Variants in CD300LG observed in about 807,000 individuals in gnomAD.
CD300LG encodes CMRF35-like molecule 9.
CD300LG carries 29 observed loss-of-function variants against 31.5 expected under a neutral mutation model. The ratio of observed to expected loss-of-function variants is 0.92; its 90% CI spans 0.68 to 1.25. CD300LG has a LOEUF of 1.25. CD300LG is among the 50% of genes most tolerant of loss of function. The pLI is 0.00. For missense variants in CD300LG, 396 were observed against 417.6 expected, an observed-to-expected ratio of 0.95 and a Z score of 0.45; for synonymous variants, 175 against 177.2, an observed-to-expected ratio of 0.99 and a Z score of 0.10.
rs150190773 is a variant in CD300LG at position 43,849,210 on chromosome 17, A to G, written c.379+317A>G. 512 of 506,420 alleles carry G rather than the reference A, an allele frequency of 1.0e-3. 5 individuals are homozygous for G. The highest frequency in any genetic ancestry group is 9.0e-3 in the African/African-American group (474 of 52,626). 31.4% of individuals were successfully genotyped at this position (506,420 alleles called of 1,614,324 possible). On this transcript the variant is annotated intron_variant, in intron 2 of 6. Coordinates refer to ENST00000317310, the MANE Select transcript of CD300LG (RefSeq NM_145273.4). Reference sequence around the variant, plus strand: ...GGGAGATTTCCATAGGCTGGGTACAAGATAGACATATCAGGGGATAAAGAA... The same window carrying G: ...GGGAGATTTCCATAGGCTGGGTACAGGATAGACATATCAGGGGATAAAGAA...
intron 2 of CD300LG, among the ~76,000 whole-genome samples, chr17:43,850,288 G>A (rs1310531837): frequency 6.6e-6 from 1 of 152,116 alleles, no homozygotes; most frequent in Admixed American, 6.6e-5. Flanking sequence ...AGTTTAACAC[G>A]ATCTCACCAA....
chr17:43,853,148 A>T (rs1330073621), intron 3 of CD300LG, 135 bp downstream of exon 3: 1 of 677,156 alleles, frequency 1.5e-6, no homozygotes, highest in Non-Finnish European at 2.5e-6. Flanking sequence ...TGGGTTGTCC[A>T]GCTGTGGAAG....
In CD300LG at chr17:43,854,876, C is replaced by G. The variant is rs534947475; in HGVS notation, c.720-331C>G. 2.0e-5 allele frequency among the ~76,000 whole-genome samples: 3 copies of G among 152,304 alleles called. No homozygotes were observed. The East Asian group carries it at 5.8e-4, about 29-fold the overall frequency. ...ACTATGCGCTTTACACATCCTCACC[C>G]ATTTGATCCTCACCACAGCCATTTT... On this transcript the variant is annotated intron_variant, in intron 4 of 6. Transcript: ENST00000317310.
chr17:43,855,199 G>C lies in CD300LG; in HGVS notation c.720-8G>C, dbSNP rs200308377. 1.2e-5 allele frequency: 19 copies of C among 1,588,664 alleles called. No homozygotes were observed. Among genetic ancestry groups the C allele is most frequent in the Non-Finnish European group, 1.6e-5 (19 of 1,168,240 alleles). On this transcript the variant is annotated splice_polypyrimidine_tract_variant and splice_region_variant and intron_variant, in intron 4 of 6. Coordinates refer to ENST00000317310, the MANE Select transcript of CD300LG (RefSeq NM_145273.4). Reference sequence around the variant, plus strand: ...ACAGCCACTAGGCTCCTTGCGTCTCGTCTCCAGGGTGTCCATCCCGATGGT... The same window carrying C: ...ACAGCCACTAGGCTCCTTGCGTCTCCTCTCCAGGGTGTCCATCCCGATGGT...
At position 43,861,907 on chromosome 17, in the gene CD300LG, C is replaced by G. The variant is rs755265245; in HGVS notation, c.995C>G (p.Ala332Gly). The change falls in exon 7 of 7, where the codon GCG becomes GGG. Residue 332 changes from alanine to glycine, a missense_variant. Transcript: ENST00000317310. The part of the protein sequence containing the change: ...EELGFSKFVS[A>G] ...CTGGGCTTCTCGAAGTTTGTCTCAGCGTAGGGCAGGAGGCCCTCCTGGCCA... is the reference window on the plus strand; with the variant it reads ...CTGGGCTTCTCGAAGTTTGTCTCAGGGTAGGGCAGGAGGCCCTCCTGGCCA... 6.2e-7 allele frequency: 1 copy of G among 1,606,148 alleles called. No homozygotes were observed. The highest frequency in any genetic ancestry group is 8.5e-7 in the Non-Finnish European group (1 of 1,176,786).
chr17:43,847,380 GGAGCGGGGCGGGCT>G, intron 1 of CD300LG, 121 bp downstream of exon 1: 1 of 1,075,658 alleles, frequency 9.3e-7, no homozygotes. Flanking sequence ...CAGCCCTAGG[GGAGCGGGGCGGGCT>G]GGGGGTGGGG....
Position 43,848,726 on chromosome 17 carries a change from G to A in CD300LG, c.212G>A (p.Gly71Asp), listed in dbSNP as rs140028124. The A allele has an allele frequency of 3.0e-5, 48 of 1,614,088 alleles. No homozygotes were observed. The African/African-American group carries it at 5.9e-4, about 20-fold the overall frequency. The change falls in exon 2 of 7, where the codon GGC (glycine) becomes GAC (aspartate). Residue 71 changes from glycine (G) to aspartate (D), a missense_variant. Transcript: ENST00000317310. ...GGCACCATCTATGCAGAAGAAGAAG[G>A]CCAGGAGACAATGAAGGGCAGGGTG... ...CSGTIYAEEE[G>D]QETMKGRVSI... is the part of the protein sequence containing the mutation.
Position 43,853,920 on chromosome 17 carries a change from A to G in CD300LG, c.595A>G (p.Thr199Ala), listed in dbSNP as rs1376665305. 1 of 1,614,092 alleles carries G rather than the reference A, an allele frequency of 6.2e-7. No homozygotes were observed. The highest frequency in any genetic ancestry group is 8.5e-7 in the Non-Finnish European group (1 of 1,180,012). The change falls in exon 4 of 7, where the codon ACA becomes GCA. Residue 199 changes from threonine to alanine, a missense_variant. Transcript: ENST00000317310. ...CGGGCACGAAAGGACTTCTCAGTACACAGGAACCTCTCCTCACCCAGCGAC... is the reference window on the plus strand; with the variant it reads ...CGGGCACGAAAGGACTTCTCAGTACGCAGGAACCTCTCCTCACCCAGCGAC... Reference protein sequence around the residue: ...QYGHERTSQYTGTSPHPATSP... With the variant: ...QYGHERTSQYAGTSPHPATSP...
In CD300LG at chr17:43,853,880, A is replaced by G; in HGVS notation, c.555A>G (p.Pro185=). 6.2e-7 allele frequency: 1 copy of G among 1,614,154 alleles called. No homozygotes were observed. The highest frequency in any genetic ancestry group is 1.1e-5 in the South Asian group (1 of 91,084). Residue 185 remains proline, a synonymous_variant, in exon 4 of 7, where the codon CCA becomes CCG. Coordinates refer to ENST00000317310, the MANE Select transcript of CD300LG (RefSeq NM_145273.4). ...GKTGAEAPPL[P]GTSQYGHERT... ...CAGGGGCTGAGGCCCCTCCATTGCC[A>G]GGGACTTCCCAGTACGGGCACGAAA...
intron 5 of CD300LG, 148 bp from the exon 6 acceptor site, chr17:43,856,956 G>T: frequency 1.4e-6 from 1 of 707,440 alleles, no homozygotes. Context: ...AGCTGGAAGG[G>T]GCTCCTCTGC....
Position 43,848,772 on chromosome 17 carries a change from G to C in CD300LG, c.258G>C (p.Gln86His), listed in dbSNP as rs2143285385. 6.2e-7 allele frequency: 1 copy of C among 1,614,176 alleles called. No individual in the cohort carries two copies. The highest frequency in any genetic ancestry group is 1.6e-4 in the Middle Eastern group (1 of 6,062). The change falls in exon 2 of 7, where the codon CAG becomes CAC. Residue 86 changes from glutamine (Q) to histidine (H), a missense_variant. Coordinates refer to ENST00000317310, the MANE Select transcript of CD300LG (RefSeq NM_145273.4). Reference protein sequence around the residue: ...KGRVSIRDSRQELSLIVTLWN... With the variant: ...KGRVSIRDSRHELSLIVTLWN... ...GGGTGTCCATCCGTGACAGCCGCCA[G>C]GAGCTCTCGCTCATTGTGACCCTGT...
intron 5 of CD300LG, among the ~76,000 whole-genome samples, chr17:43,856,407 C>T (rs779906728): frequency 6.6e-6 from 1 of 152,358 alleles, no homozygotes; most frequent in Non-Finnish European, 1.5e-5. Context: ...CCCCTTTAAT[C>T]TCCACACTGT....
At chr17:43,848,306 T>A (rs1443763029) in intron 1 of CD300LG, among the ~76,000 whole-genome samples, 1 of 152,188 alleles carries the variant, frequency 6.6e-6, no homozygotes, top group Non-Finnish European at 1.5e-5. Context: ...GCTATCTGGC[T>A]GTCAGATTCT....
chr17:43,853,837 C>T lies in CD300LG; in HGVS notation c.512C>T (p.Thr171Ile). 1.9e-6 allele frequency: 3 copies of T among 1,614,048 alleles called. No individual in the cohort carries two copies. The East Asian group carries it at 6.7e-5, about 36-fold the overall frequency. The change falls in exon 4 of 7, where the codon ACA becomes ATA. Residue 171 changes from threonine to isoleucine, a missense_variant. Physicochemically the swap from Thr to Ile is moderately conservative, Grantham distance 89. Coordinates refer to ENST00000317310, the MANE Select transcript of CD300LG (RefSeq NM_145273.4). The stretch of plus-strand genomic sequence containing the variant: ...CCTGGGCTCTACCCGGCAGCCACCA[C>T]AGCCAAGCAGGGGAAGACAGGGGCT... ...TSPGLYPAAT[T>I]AKQGKTGAEA...
At chr17:43,861,234 A>T (rs888950791) in intron 6 of CD300LG, 7 of 985,422 alleles carry the variant, frequency 7.1e-6, no homozygotes, top group Non-Finnish European at 8.4e-6. Flanking sequence ...CTCTACACAG[A>T]GATCCAGTAT....
At position 43,861,893 on chromosome 17, in the gene CD300LG, G is replaced by C. The variant is rs756841085; in HGVS notation, c.981G>C (p.Ser327=). ...CATCTGAGGAGGAGCTGGGCTTCTC[G>C]AAGTTTGTCTCAGCGTAGGGCAGGA... ...LHTSEEELGF[S]KFVSA The change falls in exon 7 of 7, where the codon TCG becomes TCC. Residue 327 remains serine, a synonymous_variant. Transcript: ENST00000317310. The C allele has an allele frequency of 6.2e-7, 1 of 1,610,572 alleles. No homozygotes were observed. Among genetic ancestry groups the C allele is most frequent in the Non-Finnish European group, 8.5e-7 (1 of 1,178,714 alleles).
chr17:43,855,006 C>T (rs187573470), intron 4 of CD300LG, among the ~76,000 whole-genome samples: 5 of 152,178 alleles, frequency 3.3e-5, no homozygotes, highest in Admixed American at 1.3e-4. Context: ...CCGGGGTCTG[C>T]GCTAATTACA....
At chr17:43,858,690 T>A (rs1732324100) in intron 6 of CD300LG, 1 of 985,430 alleles carries the variant, frequency 1.0e-6, no homozygotes, top group African/African-American at 1.7e-5. Context: ...ATTTCCCTTG[T>A]GGCTTCTCCA....
Position 43,856,573 on chromosome 17 carries a change from G to C in CD300LG, c.833-531G>C, listed in dbSNP as rs117050769. Among the ~76,000 whole-genome samples, 1,299 of 152,334 alleles carry C rather than the reference G, an allele frequency of 8.5e-3. 14 individuals carry two copies. Among genetic ancestry groups the C allele is most frequent in the Non-Finnish European group, 0.015 (1,017 of 68,026 alleles). ...CAGGGGAATCCTGGGCCTGCTTTCT[G>C]TCCCTTCCATGTGTGGCTCCTAGGA... On this transcript the variant is annotated intron_variant, in intron 5 of 6. Transcript: ENST00000317310.
Sources: allele counts gnomAD v4.1 joint callset (sites outside exome capture counted in the v4.1 genomes callset), GRCh38; gene constraint gnomAD v4.1.1; transcripts MANE v1.5; gene names NCBI Gene and HGNC (gene_info 2026-07-23, HGNC 2026-07-21).